The following TCHP variants were observed in gnomAD, a reference collection of about 807,000 sequenced individuals.
TCHP encodes trichoplein keratin filament-binding protein.
Under a neutral mutation model 88.7 loss-of-function variants are expected in TCHP, and 81 were observed. The observed-to-expected ratio is 0.91, with a 90% CI of 0.76 to 1.10. The LOEUF (loss-of-function observed/expected upper bound fraction) is 1.10, where lower values mean the gene tolerates loss of function less well. Among genes scored for constraint, TCHP ranks in the 50% least tolerant of loss-of-function variants. The pLI, the probability that TCHP is intolerant of heterozygous loss-of-function variation, is 0.00. For synonymous variants in TCHP, 232 were observed against 232.5 expected, an observed-to-expected ratio of 1.00 and a Z score of 0.02; for missense variants, 641 against 632.1, an observed-to-expected ratio of 1.01 and a Z score of -0.15.
intron 3 of TCHP, 103 bp downstream of exon 3, chr12:109,904,250 T>A: frequency 9.4e-7 from 1 of 1,059,722 alleles, no homozygotes; most frequent in Non-Finnish European, 1.4e-6. Context: ...TCTGATGAGA[T>A]GCCAGTTAAC....
chr12:109,916,103 C>T (rs1380124092), intron 12 of TCHP, among the ~76,000 whole-genome samples: 1 of 152,258 alleles, frequency 6.6e-6, no homozygotes, highest in Non-Finnish European at 1.5e-5. Context: ...GACTGAAGCA[C>T]CTCCACTGCT....
chr12:109,906,204 T>C (rs2136071375), intron 4 of TCHP, among the ~76,000 whole-genome samples: 1 of 152,324 alleles, frequency 6.6e-6, no homozygotes, highest in East Asian at 1.9e-4. Flanking sequence ...GGTTGAGTCT[T>C]CTCACTCAGC....
Position 109,904,060 on chromosome 12 carries a change from G to T in TCHP, c.312G>T (p.Glu104Asp). 6.2e-7 allele frequency: 1 copy of T among 1,604,572 alleles called. No homozygotes were observed. Among genetic ancestry groups the T allele is most frequent in the African/African-American group, 1.3e-5 (1 of 74,858 alleles). ...EQDLLARELE[E>D]LRLSMNLQER... ...ACCTGCTGGCCAGAGAACTGGAGGA[G>T]CTGAGGCTGAGCATGAACTTGCAGG... Residue 104 changes from glutamate (E) to aspartate (D), a missense_variant, in exon 3 of 13, where the codon GAG becomes GAT. Transcript: ENST00000405876.
At position 109,903,140 on chromosome 12, in the gene TCHP, C is replaced by G; in HGVS notation, c.114C>G (p.Ser38Arg). The change falls in exon 2 of 13, where the codon AGC (serine) becomes AGG (arginine). Residue 38 changes from serine to arginine, a missense_variant. Coordinates refer to ENST00000405876, the MANE Select transcript of TCHP (RefSeq NM_001143852.2). The surrounding 1 kb of genome is among the most constrained non-coding windows in gnomAD (Gnocchi z 4.6). Reference sequence around the variant, plus strand: ...TTCGGCAGCAGTGGGAGCAGAACAGCCGTTACTTCAGGATGTCTGACATCT... The same window carrying G: ...TTCGGCAGCAGTGGGAGCAGAACAGGCGTTACTTCAGGATGTCTGACATCT... ...ARLRQQWEQN[S>R]RYFRMSDICS... 6.2e-7 allele frequency: 1 copy of G among 1,613,972 alleles called. No individual in the cohort carries two copies. The highest frequency in any genetic ancestry group is 8.5e-7 in the Non-Finnish European group (1 of 1,179,894).
chr12:109,900,643 TGG>T (rs928372888), intron 1 of TCHP: 2 of 152,258 alleles, frequency 1.3e-5, no homozygotes, highest in Non-Finnish European at 1.5e-5. Context: ...GCCCACCTTG[TGG>T]GTGGCCAATC....
rs1368093034 is a variant in TCHP, at chr12:109,917,670, T to C, written c.*1047T>C. On this transcript the variant is annotated 3_prime_UTR_variant, in exon 13 of 13. Coordinates refer to ENST00000405876, the MANE Select transcript of TCHP (RefSeq NM_001143852.2). ...CCATTATATCAGCGTGATACAGGTC[T>C]ACATTCATTTCTACAAACAGGAACA... 4 of 152,634 alleles carry C rather than the reference T, an allele frequency of 2.6e-5. No individual in the cohort carries two copies. The highest frequency in any genetic ancestry group is 5.9e-5 in the Non-Finnish European group (4 of 68,044). The allele number at this position is 152,634 out of a possible 1,614,324, so 9.5% of individuals were successfully genotyped here. A position where few individuals can be genotyped will look rare whatever the true frequency, so the allele number is the denominator to read the frequency against.
the TCHP span, among the ~76,000 whole-genome samples, chr12:109,891,909 C>T: frequency 6.6e-6 from 1 of 152,070 alleles, no homozygotes; most frequent in Non-Finnish European, 1.5e-5. Context: ...GGGGTTTCAC[C>T]ATATTGGCCA....
chr12:109,906,440 G>A (rs1870127261), intron 4 of TCHP, 132 bp from the exon 5 acceptor site: 4 of 705,804 alleles, frequency 5.7e-6, no homozygotes, highest in Non-Finnish European at 2.4e-6. Context: ...CTAGACGCCT[G>A]TGCCACTGAG....
At chr12:109,881,769 C>T in the TCHP span, among the ~76,000 whole-genome samples, 1 of 152,250 alleles carries the variant, frequency 6.6e-6, no homozygotes, top group African/African-American at 2.4e-5. Flanking sequence ...CAGCTTCTCA[C>T]ACCTTGAATC....
At chr12:109,888,526 AC>A in the TCHP span, 1 of 152,148 alleles carries the variant, frequency 6.6e-6, no homozygotes, top group African/African-American at 2.4e-5. Context: ...AGTGTTAATA[AC>A]ATCTTCCCCA....
Position 109,915,448 on chromosome 12 carries a change from G to T in TCHP, c.1366G>T (p.Glu456Ter), listed in dbSNP as rs1340223011. 5.0e-6 allele frequency: 8 copies of T among 1,614,164 alleles called. No individual in the cohort carries two copies. Among genetic ancestry groups the T allele is most frequent in the Non-Finnish European group, 5.9e-6 (7 of 1,180,034 alleles). The change falls in exon 12 of 13, where the codon GAG becomes TAG. Residue 456 changes from glutamate (E) to a stop codon, truncating the protein, a stop_gained. Transcript: ENST00000405876. LOFTEE classifies it high-confidence loss of function. ...GGCATGGGAAGCAGACCAGCAGGAG[G>T]AGGAGGAAGAGGAGGAGGCCCGGCG... ...LQAWEADQQE[E>*]EEEEEARRVE...
At chr12:109,886,765 A>G in the TCHP span, among the ~76,000 whole-genome samples, 1 of 151,910 alleles carries the variant, frequency 6.6e-6, no homozygotes. Context: ...CTGGAGTGCA[A>G]TGGCATAATC....
Position 109,903,067 on chromosome 12 carries a change from A to G in TCHP, c.41A>G (p.Gln14Arg). The stretch of plus-strand genomic sequence containing the variant: ...CTGCCGTCCTACTGGTGCAGCCAGC[A>G]GCGCCTGAATCAGCAGCTAGCACGA... The part of the protein sequence containing the change: ...PTLPSYWCSQ[Q>R]RLNQQLARQR... The change falls in exon 2 of 13, where the codon CAG becomes CGG. Residue 14 changes from glutamine to arginine, a missense_variant. Transcript: ENST00000405876. The surrounding 1 kb of genome is among the most constrained non-coding windows in gnomAD (Gnocchi z 4.6). 1 of 1,613,310 alleles carries G rather than the reference A, an allele frequency of 6.2e-7. No homozygotes were observed. The highest frequency in any genetic ancestry group is 8.5e-7 in the Non-Finnish European group (1 of 1,179,524).
chr12:109,914,320 C>G, intron 10 of TCHP, 122 bp from the exon 11 acceptor site: 1 of 825,084 alleles, frequency 1.2e-6, no homozygotes. Flanking sequence ...CTCTGCGTAC[C>G]TGGGCCTGAG....
the TCHP span, among the ~76,000 whole-genome samples, chr12:109,890,849 A>T: frequency 1.4e-4 from 22 of 152,262 alleles, no homozygotes; most frequent in African/African-American, 5.1e-4. Context: ...TCACTACTGG[A>T]ACTTTTCTCT....
chr12:109,884,415 C>T, the TCHP span, among the ~76,000 whole-genome samples: 35 of 152,124 alleles, frequency 2.3e-4, no homozygotes, highest in African/African-American at 8.2e-4. Context: ...GTCTGGATCT[C>T]CTGACCTCAT....
rs186945991 is a variant in TCHP at position 109,917,674 on chromosome 12, T to A, written c.*1051T>A. 2.6e-5 allele frequency: 4 copies of A among 152,734 alleles called. No individual in the cohort carries two copies. The highest frequency in any genetic ancestry group is 2.6e-4 in the Admixed American group (4 of 15,292). 9.5% of individuals were successfully genotyped at this position (152,734 alleles called of 1,614,324 possible). ...TATATCAGCGTGATACAGGTCTACATTCATTTCTACAAACAGGAACAAGTT... is the reference window on the plus strand; with the variant it reads ...TATATCAGCGTGATACAGGTCTACAATCATTTCTACAAACAGGAACAAGTT... On this transcript the variant is annotated 3_prime_UTR_variant, in exon 13 of 13. Transcript: ENST00000405876.
At chr12:109,913,755 T>TGGTA (rs1298060487) in intron 10 of TCHP, among the ~76,000 whole-genome samples, 2 of 152,212 alleles carry the variant, frequency 1.3e-5, no homozygotes, top group African/African-American at 4.8e-5. Flanking sequence ...ACGTTGTGTC[T>TGGTA]GGTAGTATGC....
chr12:109,884,850 C>T, the TCHP span, among the ~76,000 whole-genome samples: 1 of 152,346 alleles, frequency 6.6e-6, no homozygotes, highest in East Asian at 1.9e-4. Context: ...CAAACAAGGA[C>T]GCTCTCCTGC....
Sources: allele counts gnomAD v4.1 joint callset (sites outside exome capture counted in the v4.1 genomes callset), GRCh38; gene constraint gnomAD v4.1.1; non-coding constraint Gnocchi (gnomAD v3.1); transcripts MANE v1.5; gene names NCBI Gene and HGNC (gene_info 2026-07-23, HGNC 2026-07-21).